DLG2: variants seen among roughly 807,000 people sequenced by gnomAD.
The protein encoded by DLG2 is disks large homolog 2.
Under a neutral mutation model 132.5 loss-of-function variants are expected in DLG2, and 45 were observed. The ratio of observed to expected loss-of-function variants is 0.34; its 90% CI spans 0.27 to 0.44. The LOEUF (loss-of-function observed/expected upper bound fraction) is 0.44. DLG2 is among the 20% of genes least tolerant of loss of function. DLG2 has a pLI of 1.00. For missense variants in DLG2, 1,045 were observed against 1,196.9 expected, an observed-to-expected ratio of 0.87 and a Z score of 1.87; for synonymous variants, 424 against 419.6, an observed-to-expected ratio of 1.01 and a Z score of -0.13.
chr11:85,611,071 A>C (rs527293843), intron 2 of DLG2, among the ~76,000 whole-genome samples: 8 of 152,264 alleles, frequency 5.3e-5, no homozygotes, highest in Non-Finnish European at 8.8e-5. Context: ...ACTTATCTCT[A>C]TATGTCACAG....
chr11:83,467,585 C>A (rs1368785968), intron 25 of DLG2, among the ~76,000 whole-genome samples: 1 of 151,022 alleles, frequency 6.6e-6, no homozygotes, highest in African/African-American at 2.4e-5. Context: ...CCTGTCTCTG[C>A]TAAAAATCCA....
At chr11:84,841,824 T>A (rs1413101109) in intron 6 of DLG2, among the ~76,000 whole-genome samples, 1 of 152,014 alleles carries the variant, frequency 6.6e-6, no homozygotes, top group Non-Finnish European at 1.5e-5. Context: ...TTCCTAAGAA[T>A]ATGCTCATTT....
chr11:83,958,912 G>A (rs2154153919), intron 14 of DLG2, among the ~76,000 whole-genome samples: 2 of 152,164 alleles, frequency 1.3e-5, no homozygotes, highest in South Asian at 4.1e-4. Context: ...AAATCACTCT[G>A]GGCCCTGTGT....
intron 3 of DLG2, among the ~76,000 whole-genome samples, chr11:85,413,773 A>G (rs1297474629): frequency 6.6e-6 from 1 of 152,044 alleles, no homozygotes; most frequent in Non-Finnish European, 1.5e-5. Context: ...CTATTTTTAT[A>G]CCAGTGCCAT....
intron 17 of DLG2, among the ~76,000 whole-genome samples, chr11:83,803,387 A>G (rs538450419): frequency 6.6e-6 from 1 of 152,120 alleles, no homozygotes; most frequent in Non-Finnish European, 1.5e-5. Flanking sequence ...ATGTGTGTTA[A>G]ATGTTTTGCA....
At chr11:85,343,220 C>CAT (rs1211906638) in intron 3 of DLG2, among the ~76,000 whole-genome samples, 2 of 152,192 alleles carry the variant, frequency 1.3e-5, no homozygotes, top group Non-Finnish European at 2.9e-5. Context: ...TTTAACCCAA[C>CAT]ACAATTCCAT....
chr11:85,272,879 C>G (rs1268867562), intron 4 of DLG2, among the ~76,000 whole-genome samples: 1 of 152,164 alleles, frequency 6.6e-6, no homozygotes, highest in Admixed American at 6.5e-5. Flanking sequence ...GTAACCAAAA[C>G]AGCATGGTAC....
At chr11:84,737,787 A>G (rs1162015137) in intron 6 of DLG2, among the ~76,000 whole-genome samples, 3 of 152,040 alleles carry the variant, frequency 2.0e-5, no homozygotes, top group Non-Finnish European at 2.9e-5. Flanking sequence ...AACATCTTAG[A>G]AAGTGAGTGA....
Position 85,215,810 on chromosome 11 carries a change from T to A in DLG2, c.187-61159A>T, listed in dbSNP as rs528829109. On this transcript the variant is annotated intron_variant, in intron 4 of 27. Coordinates refer to ENST00000376104, the MANE Select transcript of DLG2 (RefSeq NM_001142699.3). ...CACAATGCATGCATTAATAAACTTG[T>A]TTGTTTTTCTCTTGTAATATGTCTT... 2.6e-5 allele frequency among the ~76,000 whole-genome samples: 4 copies of A among 152,266 alleles called. No individual in the cohort carries two copies. In the East Asian group the frequency reaches 7.7e-4, roughly 29 times the overall value.
At chr11:83,700,735 A>T (rs545915799) in intron 18 of DLG2, among the ~76,000 whole-genome samples, 6 of 72,616 alleles carry the variant, frequency 8.3e-5, no homozygotes, top group South Asian at 9.3e-4. Context: ...GAATGAAAAT[A>T]AAAAAAAACT....
chr11:84,783,837 T>C (rs2072291927), intron 6 of DLG2, among the ~76,000 whole-genome samples: 1 of 152,104 alleles, frequency 6.6e-6, no homozygotes, highest in Non-Finnish European at 1.5e-5. Context: ...GTTTCACCTA[T>C]ATAGCTATTA....
intron 5 of DLG2, among the ~76,000 whole-genome samples, chr11:85,121,509 G>A (rs2074310700): frequency 6.6e-6 from 1 of 151,870 alleles, no homozygotes; most frequent in Non-Finnish European, 1.5e-5. Flanking sequence ...CTGAAAAGCA[G>A]ATCTGACTGC....
intron 18 of DLG2, among the ~76,000 whole-genome samples, chr11:83,733,792 G>GAT (rs996694571): frequency 1.3e-5 from 2 of 152,172 alleles, no homozygotes; most frequent in African/African-American, 4.8e-5. Context: ...ATGGATTTAG[G>GAT]AGGATACACG....
rs1406606459 is a variant in DLG2 at position 85,618,534 on chromosome 11, ATGTTCTT to A, written c.-93+8046_-93+8052del. 3.3e-5 allele frequency among the ~76,000 whole-genome samples: 5 copies of A among 152,296 alleles called. No individual in the cohort carries two copies. In the East Asian group the frequency reaches 9.6e-4, roughly 29 times the overall value. On this transcript the variant is annotated intron_variant, in intron 2 of 27. Coordinates refer to ENST00000376104, the MANE Select transcript of DLG2 (RefSeq NM_001142699.3). Reference sequence around the variant, plus strand: ...ACAGAAACAGAAAACAAAATACCGCATGTTCTTACAAGTGGGAACTAAGAATTGGGTA... The same window carrying A: ...ACAGAAACAGAAAACAAAATACCGCAACAAGTGGGAACTAAGAATTGGGTA...
chr11:84,340,607 C>A (rs1171502790), intron 7 of DLG2, among the ~76,000 whole-genome samples: 3 of 152,122 alleles, frequency 2.0e-5, no homozygotes, highest in African/African-American at 7.2e-5. Flanking sequence ...GCTCAAAGAT[C>A]TCGAGTAATA....
chr11:83,764,697 C>A (rs2094065758), intron 18 of DLG2, among the ~76,000 whole-genome samples: 1 of 152,066 alleles, frequency 6.6e-6, no homozygotes, highest in Non-Finnish European at 1.5e-5. Flanking sequence ...AGTGCCTTTC[C>A]CAGGGTCTCA....
chr11:85,037,455 T>C (rs1487878202), intron 6 of DLG2, among the ~76,000 whole-genome samples: 2 of 152,130 alleles, frequency 1.3e-5, no homozygotes, highest in East Asian at 3.9e-4. Context: ...TTTAATGGAG[T>C]AGACATTGTT....
intron 3 of DLG2, among the ~76,000 whole-genome samples, chr11:85,386,119 G>A (rs963039156): frequency 2.0e-5 from 3 of 152,084 alleles, no homozygotes; most frequent in African/African-American, 7.2e-5. Flanking sequence ...ATGTCTTGGA[G>A]GAAATATGAA....
chr11:84,535,001 A>G (rs1401218162), intron 6 of DLG2, among the ~76,000 whole-genome samples: 1 of 152,200 alleles, frequency 6.6e-6, no homozygotes, highest in Non-Finnish European at 1.5e-5. Flanking sequence ...CAGAAAGGTG[A>G]TAACAAATGA....
Sources: gnomAD v4.1 joint callset for allele counts (sites outside exome capture counted in the v4.1 genomes callset) on GRCh38, gnomAD v4.1.1 for gene constraint, MANE v1.5 for transcripts, NCBI Gene and HGNC (gene_info 2026-07-23, HGNC 2026-07-21) for gene names.